The following BLTP3B variants were observed in gnomAD, a reference collection of about 807,000 sequenced individuals.
BLTP3B encodes the protein UHRF1 (ICBP90) binding protein 1-like.
the BLTP3B span, among the ~76,000 whole-genome samples, chr12:100,099,982 AT>A: frequency 6.6e-6 from 1 of 151,106 alleles, no homozygotes; most frequent in African/African-American, 2.4e-5. Flanking sequence ...CTAGTTACAT[AT>A]AAATTATTAA....
At chr12:100,122,676 A>G in the BLTP3B span, among the ~76,000 whole-genome samples, 14 of 152,178 alleles carry the variant, frequency 9.2e-5, no homozygotes, top group Non-Finnish European at 4.4e-5. Context: ...GTTTCCAAAA[A>G]CAGGCAGTGA....
chr12:100,059,010 G>C, the BLTP3B span: 3 of 1,614,082 alleles, frequency 1.9e-6, no homozygotes, highest in Admixed American at 5.0e-5. Context: ...CAGATCACTA[G>C]ATTCACTTTG....
At chr12:100,086,795 G>A in the BLTP3B span, among the ~76,000 whole-genome samples, 14 of 152,188 alleles carry the variant, frequency 9.2e-5, no homozygotes, top group African/African-American at 2.9e-4. Flanking sequence ...CATACAGCTA[G>A]TTAAGTGCAA....
the BLTP3B span, among the ~76,000 whole-genome samples, chr12:100,104,334 G>C: frequency 6.6e-6 from 1 of 150,716 alleles, no homozygotes; most frequent in African/African-American, 2.4e-5. Context: ...CCTCCCAGTA[G>C]CTGAGATTAC....
the BLTP3B span, among the ~76,000 whole-genome samples, chr12:100,125,549 A>G: frequency 6.6e-6 from 1 of 151,994 alleles, no homozygotes; most frequent in Admixed American, 6.6e-5. Context: ...TTGGGAGGGT[A>G]AGGCAGAAGG....
the BLTP3B span, chr12:100,093,056 C>A: frequency 1.6e-6 from 1 of 637,050 alleles, no homozygotes; most frequent in Non-Finnish European, 1.9e-6. Context: ...GGAAAATGTC[C>A]AAATTCTTCA....
At chr12:100,042,222 C>T in the BLTP3B span, among the ~76,000 whole-genome samples, 9 of 152,088 alleles carry the variant, frequency 5.9e-5, no homozygotes, top group East Asian at 1.9e-4. Flanking sequence ...GTTGAGCTGG[C>T]GTCTTTGTAG....
the BLTP3B span, chr12:100,050,291 C>G: frequency 6.2e-7 from 1 of 1,607,228 alleles, no homozygotes; most frequent in Non-Finnish European, 8.5e-7. Flanking sequence ...CCATTAACAC[C>G]AGTAATTTTA....
chr12:100,107,330 G>T, the BLTP3B span, among the ~76,000 whole-genome samples: 1 of 117,812 alleles, frequency 8.5e-6, no homozygotes, highest in East Asian at 2.2e-4. Context: ...AGAATAATAA[G>T]TTATAATAAT....
At chr12:100,129,515 C>G in the BLTP3B span, among the ~76,000 whole-genome samples, 2 of 152,196 alleles carry the variant, frequency 1.3e-5, no homozygotes, top group Non-Finnish European at 2.9e-5. Context: ...AAGTCCCTGG[C>G]TTCTAAAACA....
chr12:100,050,011 A>C, the BLTP3B span, among the ~76,000 whole-genome samples: 3 of 152,182 alleles, frequency 2.0e-5, no homozygotes, highest in African/African-American at 7.2e-5. Flanking sequence ...TTGAAGCTCC[A>C]CACACTATAG....
chr12:100,082,118 G>A, the BLTP3B span, among the ~76,000 whole-genome samples: 2 of 152,048 alleles, frequency 1.3e-5, no homozygotes, highest in African/African-American at 4.8e-5. Flanking sequence ...GGGGTGAGAT[G>A]GTATTTCACT....
chr12:100,100,681 C>T, the BLTP3B span, among the ~76,000 whole-genome samples: 1 of 151,790 alleles, frequency 6.6e-6, no homozygotes, highest in Non-Finnish European at 1.5e-5. Flanking sequence ...CACTGCATTC[C>T]AGCCTGGGCA....
chr12:100,131,936 T>A, the BLTP3B span, among the ~76,000 whole-genome samples: 1 of 152,130 alleles, frequency 6.6e-6, no homozygotes, highest in African/African-American at 2.4e-5. Context: ...ACTACAGGCA[T>A]GCGCCACCAT....
chr12:100,046,425 A>G, the BLTP3B span, among the ~76,000 whole-genome samples: 11 of 152,172 alleles, frequency 7.2e-5, no homozygotes, highest in Non-Finnish European at 1.6e-4. Flanking sequence ...TGTCCTTTGC[A>G]GGGACATGGA....
chr12:100,090,872 T>A, the BLTP3B span, among the ~76,000 whole-genome samples: 3 of 152,136 alleles, frequency 2.0e-5, no homozygotes, highest in African/African-American at 7.2e-5. Flanking sequence ...CATTATGTTT[T>A]CTCTCTTATC....
chr12:100,052,790 G>GT, the BLTP3B span, among the ~76,000 whole-genome samples: 10,586 of 114,266 alleles, frequency 0.093, 697 homozygotes, highest in African/African-American at 0.15. Flanking sequence ...TTTCTTTTCT[G>GT]TTTTTTTTTT....
chr12:100,084,414 A>AGAG, the BLTP3B span: 2 of 1,315,712 alleles, frequency 1.5e-6, no homozygotes. Context: ...ACACACACAC[A>AGAG]CACACACACA....
chr12:100,069,951 G>A, the BLTP3B span: 6 of 1,179,976 alleles, frequency 5.1e-6, no homozygotes, highest in Non-Finnish European at 6.3e-6. Flanking sequence ...AACAATTATG[G>A]GGGCATGGCT....
Sources: gnomAD v4.1 joint callset for allele counts (sites outside exome capture counted in the v4.1 genomes callset) on GRCh38, gnomAD v4.1.1 for gene constraint, MANE v1.5 for transcripts, NCBI Gene and HGNC (gene_info 2026-07-23, HGNC 2026-07-21) for gene names.